The following PCM1 variants were observed in gnomAD, a reference collection of about 807,000 sequenced individuals.
PCM1 encodes pericentriolar material 1.
PCM1 carries 157 observed loss-of-function variants against 241.9 expected under a neutral mutation model. The observed-to-expected ratio is 0.65, with a 90% CI of 0.57 to 0.74. The LOEUF (loss-of-function observed/expected upper bound fraction) is 0.74, where lower values mean the gene tolerates loss of function less well. Ranked by LOEUF, PCM1 falls within the 30% of genes least tolerant of loss-of-function variation. The pLI is 0.00. For synonymous variants in PCM1, 1,085 were observed against 784.9 expected (o/e 1.38, Z -6.39); for missense variants, 3,478 against 2,360.1 (o/e 1.47, Z -9.81).
chr8:18,029,246 C>T lies in PCM1; in HGVS notation c.*1584C>T, dbSNP rs566783335. 7.7e-5 allele frequency: 16 copies of T among 206,820 alleles called. No individual in the cohort carries two copies. Among genetic ancestry groups the T allele is most frequent in the Non-Finnish European group, 1.3e-4 (13 of 101,380 alleles). 12.8% of individuals were successfully genotyped at this position (206,820 alleles called of 1,614,324 possible). A position where few individuals can be genotyped will look rare whatever the true frequency, so the allele number is the denominator to read the frequency against. ...GGAGTATTAAATGAGGATTTCCCTG[C>T]GAGGACATTTACTGTATTGCTACTT... On this transcript the variant is annotated 3_prime_UTR_variant, in exon 39 of 39. Coordinates refer to ENST00000325083, the MANE Select transcript of PCM1 (RefSeq NM_006197.4).
At chr8:17,929,933 A>G (rs896289694) in intron 2 of PCM1, among the ~76,000 whole-genome samples, 5 of 152,248 alleles carry the variant, frequency 3.3e-5, no homozygotes, top group Middle Eastern at 3.4e-3. Context: ...AACGTACTTT[A>G]CTCACCAGTT....
In PCM1 at chr8:17,966,371, G is replaced by T. The variant is rs761526088; in HGVS notation, c.3119G>T (p.Ser1040Ile). ...LLQTLLTGPY[S>I]VMPSNVASPQ... ...CAAACTCTTCTCACGGGTCCTTACAGTGTTATGCCCAGCAATGTTGCATCT... is the reference window on the plus strand; with the variant it reads ...CAAACTCTTCTCACGGGTCCTTACATTGTTATGCCCAGCAATGTTGCATCT... The change falls in exon 20 of 39, where the codon AGT becomes ATT. Residue 1040 changes from serine (S) to isoleucine (I), a missense_variant. Ser to Ile is a moderately radical substitution (Grantham distance 142, BLOSUM62 -2). Transcript: ENST00000325083. The T allele has an allele frequency of 6.2e-7, 1 of 1,613,746 alleles. No individual in the cohort carries two copies. The highest frequency in any genetic ancestry group is 2.2e-5 in the East Asian group (1 of 44,868).
Position 18,011,792 on chromosome 8 carries a change from A to G in PCM1, c.5476A>G (p.Thr1826Ala). 6.2e-7 allele frequency: 1 copy of G among 1,613,308 alleles called. No individual in the cohort carries two copies. Among genetic ancestry groups the G allele is most frequent in the East Asian group, 2.2e-5 (1 of 44,858 alleles). ...TGTCCAGACTTCCCTCCAGGCTAAC[A>G]CTGAAGCTACTGAAGAAAATGAACA... ...VDVQTSLQAN[T>A]EATEENEHDE... Residue 1826 changes from threonine (T) to alanine (A), a missense_variant, in exon 34 of 39, where the codon ACT becomes GCT. Physicochemically the swap from Thr to Ala is moderately conservative, Grantham distance 58. Coordinates refer to ENST00000325083, the MANE Select transcript of PCM1 (RefSeq NM_006197.4).
At chr8:17,936,518 T>C (rs1424072543) in intron 3 of PCM1, among the ~76,000 whole-genome samples, 1 of 152,208 alleles carries the variant, frequency 6.6e-6, no homozygotes, top group Non-Finnish European at 1.5e-5. Context: ...TGTAATTCCA[T>C]ATTAGCTGTT....
intron 2 of PCM1, 164 bp downstream of exon 2, chr8:17,924,944 G>C (rs868047153): frequency 1.3e-5 from 2 of 152,196 alleles, no homozygotes; most frequent in African/African-American, 2.4e-5. Context: ...TCGGCGTGCT[G>C]CTTTGGCCTG....
intron 2 of PCM1, chr8:17,928,033 T>C (rs1481166218): frequency 6.6e-6 from 1 of 151,658 alleles, no homozygotes; most frequent in African/African-American, 2.4e-5. Flanking sequence ...ATAGCATGAG[T>C]AGAAGTGCGT....
intron 6 of PCM1, among the ~76,000 whole-genome samples, chr8:17,942,502 T>G (rs900031152): frequency 6.6e-6 from 1 of 152,110 alleles, no homozygotes; most frequent in Non-Finnish European, 1.5e-5. Flanking sequence ...GATGGTAGTT[T>G]GTCAGATTTT....
intron 4 of PCM1, among the ~76,000 whole-genome samples, chr8:17,937,864 T>A (rs2060858580): frequency 6.6e-6 from 1 of 152,162 alleles, no homozygotes; most frequent in African/African-American, 2.4e-5. Context: ...GATCTATATG[T>A]CATAGAGACA....
In PCM1 at chr8:18,014,857, T is replaced by C. The variant is rs1272856189; in HGVS notation, c.5841+17T>C. ...AATGACTATGTATGTATCATTTACATTTCCAAATATTTTTACTTTTCATTT... is the reference window on the plus strand; with the variant it reads ...AATGACTATGTATGTATCATTTACACTTCCAAATATTTTTACTTTTCATTT... On this transcript the variant is annotated intron_variant, in intron 36 of 38. Transcript: ENST00000325083. 2.6e-6 allele frequency: 4 copies of C among 1,548,476 alleles called. No individual in the cohort carries two copies. Among genetic ancestry groups the C allele is most frequent in the Non-Finnish European group, 3.5e-6 (4 of 1,147,988 alleles).
In PCM1 at chr8:17,966,121, T is replaced by A. The variant is rs1363728133; in HGVS notation, c.2978T>A (p.Val993Glu). 6.2e-7 allele frequency: 1 copy of A among 1,612,516 alleles called. No individual in the cohort carries two copies. Among genetic ancestry groups the A allele is most frequent in the East Asian group, 2.2e-5 (1 of 44,852 alleles). The change falls in exon 19 of 39, where the codon GTA becomes GAA. Residue 993 changes from valine (V) to glutamate (E), a missense_variant. By Grantham distance (121) the Val-to-Glu change is moderately radical (BLOSUM62 -2). Coordinates refer to ENST00000325083, the MANE Select transcript of PCM1 (RefSeq NM_006197.4). The part of the protein sequence containing the change: ...NLRWVSELSY[V>E]EEKEQWQEQI... ...CGTTGGGTGTCAGAGCTCTCTTACG[T>A]AGAAGAGAAAGAACAATGGCAAGAA...
intron 30 of PCM1, among the ~76,000 whole-genome samples, chr8:18,007,580 T>G (rs755724445): frequency 6.6e-6 from 1 of 152,260 alleles, no homozygotes; most frequent in Non-Finnish European, 1.5e-5. Context: ...CATTAATTTC[T>G]AAAGACTTTT....
chr8:17,991,110 A>C (rs1328153446), intron 27 of PCM1, among the ~76,000 whole-genome samples: 3 of 151,954 alleles, frequency 2.0e-5, no homozygotes, highest in African/African-American at 7.3e-5. Flanking sequence ...AGAATTGGGA[A>C]ATTTCATTGA....
At chr8:17,939,668 T>A (rs745963579) in intron 5 of PCM1, 23 bp from the exon 6 acceptor site, 25 of 1,431,402 alleles carry the variant, frequency 1.7e-5, no homozygotes, top group Admixed American at 8.0e-5. Flanking sequence ...ATGCTTTTTT[T>A]AAAAAAAATA....
rs1253060739 is a variant in PCM1 at position 17,943,256 on chromosome 8, T to C, written c.783+3395T>C. Among the ~76,000 whole-genome samples, 3 of 151,926 alleles carry C rather than the reference T, an allele frequency of 2.0e-5. No homozygotes were observed. In the East Asian group the frequency reaches 5.8e-4, roughly 29 times the overall value. Reference sequence around the variant, plus strand: ...ACCTCTAGTATTTTGGCAGTTTTTTTATTTTTTCTGGTTCCTACAAGAATT... The same window carrying C: ...ACCTCTAGTATTTTGGCAGTTTTTTCATTTTTTCTGGTTCCTACAAGAATT... On this transcript the variant is annotated intron_variant, in intron 6 of 38. Coordinates refer to ENST00000325083, the MANE Select transcript of PCM1 (RefSeq NM_006197.4).
chr8:17,986,551 G>C (rs1262371420), intron 26 of PCM1, among the ~76,000 whole-genome samples: 1 of 151,280 alleles, frequency 6.6e-6, no homozygotes, highest in African/African-American at 2.4e-5. Context: ...CTAATTCATG[G>C]AGAAAATTTT....
intron 10 of PCM1, among the ~76,000 whole-genome samples, 186 bp from the exon 11 acceptor site, chr8:17,956,418 T>C (rs1219379206): frequency 6.6e-6 from 1 of 152,158 alleles, no homozygotes; most frequent in Non-Finnish European, 1.5e-5. Context: ...TAATGTGAGA[T>C]TTTGAGTAAG....
rs182797458 is a variant in PCM1 at position 18,027,691 on chromosome 8, T to C, written c.*29T>C. 6.5e-6 allele frequency: 10 copies of C among 1,535,742 alleles called. No individual in the cohort carries two copies. The highest frequency in any genetic ancestry group is 4.1e-5 in the African/African-American group (3 of 73,778). ...GTCTTCAGAGGCTCATCTAACTCTG[T>C]CCTTACATACTCAATGCATATATGA... On this transcript the variant is annotated 3_prime_UTR_variant, in exon 39 of 39. Transcript: ENST00000325083.
chr8:17,990,102 C>G, intron 27 of PCM1, 123 bp downstream of exon 27: 1 of 668,096 alleles, frequency 1.5e-6, no homozygotes, highest in African/African-American at 1.8e-5. Context: ...AGAATGTGGA[C>G]TTAATTATCT....
At chr8:17,978,130 T>C (rs910577689) in intron 23 of PCM1, among the ~76,000 whole-genome samples, 2 of 152,158 alleles carry the variant, frequency 1.3e-5, no homozygotes, top group East Asian at 3.9e-4. Context: ...TTTTAATGTT[T>C]AGATTATTTA....
Sources: allele counts gnomAD v4.1 joint callset (sites outside exome capture counted in the v4.1 genomes callset), GRCh38; gene constraint gnomAD v4.1.1; transcripts MANE v1.5; gene names NCBI Gene and HGNC (gene_info 2026-07-23, HGNC 2026-07-21).